The following SEL1L variants were observed in gnomAD, a reference collection of about 807,000 sequenced individuals.
SEL1L encodes the protein SEL1L adaptor subunit of SYVN1 ubiquitin ligase, also known as protein sel-1 homolog 1.
Under a neutral mutation model 109.8 loss-of-function variants are expected in SEL1L, and 52 were observed. The ratio of observed to expected loss-of-function variants is 0.47; its 90% CI spans 0.38 to 0.60. SEL1L has a LOEUF of 0.60. Ranked by LOEUF, SEL1L falls within the 20% of genes least tolerant of loss-of-function variation. SEL1L has a pLI of 0.00. For missense variants in SEL1L, 749 were observed against 962.2 expected (o/e 0.78, Z 2.93); for synonymous variants, 373 against 339.6 (o/e 1.10, Z -1.08).
chr14:81,480,511 G>GC (rs1903319915), intron 19 of SEL1L, among the ~76,000 whole-genome samples: 1 of 152,104 alleles, frequency 6.6e-6, no homozygotes, highest in African/African-American at 2.4e-5. Context: ...ATCACTTGAG[G>GC]CCAGGAGTTC....
chr14:81,477,897 C>T (rs903434683), intron 20 of SEL1L, among the ~76,000 whole-genome samples: 5 of 152,326 alleles, frequency 3.3e-5, no homozygotes, highest in African/African-American at 1.2e-4. Context: ...AGTGACAGCA[C>T]ACCAGCTGGA....
In SEL1L at chr14:81,500,393, C is replaced by CT. The variant is rs1234261717; in HGVS notation, c.778-732_778-731insA. On this transcript the variant is annotated intron_variant, in intron 6 of 20. Coordinates refer to ENST00000336735, the MANE Select transcript of SEL1L (RefSeq NM_005065.6). Reference sequence around the variant, plus strand: ...GGATTACAGGTGCCGCCACCATGCCCAGCTAATTTCCTTTTTGTATTTTTA... The same window carrying CT: ...GGATTACAGGTGCCGCCACCATGCCCTAGCTAATTTCCTTTTTGTATTTTTA... Among the ~76,000 whole-genome samples, 4 of 152,154 alleles carry CT rather than the reference C, an allele frequency of 2.6e-5. No individual in the cohort carries two copies. The East Asian group carries it at 7.8e-4, about 30-fold the overall frequency.
intron 1 of SEL1L, among the ~76,000 whole-genome samples, chr14:81,530,302 G>A (rs111601926): frequency 5.9e-5 from 9 of 152,310 alleles, no homozygotes; most frequent in African/African-American, 2.2e-4. Context: ...GAGACCTGGA[G>A]AGCTAGGTCT....
At chr14:81,510,799 T>C (rs1296141941) in intron 3 of SEL1L, among the ~76,000 whole-genome samples, 2 of 152,038 alleles carry the variant, frequency 1.3e-5, no homozygotes, top group Non-Finnish European at 2.9e-5. Context: ...TAGTCAAAGA[T>C]AGCTGAGAAA....
intron 2 of SEL1L, among the ~76,000 whole-genome samples, chr14:81,527,396 CTGGAAAG>C (rs1885153371): frequency 2.0e-5 from 3 of 150,826 alleles, no homozygotes; most frequent in Non-Finnish European, 4.4e-5. Context: ...TTTTTGAGAA[CTGGAAAG>C]TGGAAACAAA....
chr14:81,497,688 C>T (rs1228442509), intron 10 of SEL1L, among the ~76,000 whole-genome samples: 2 of 151,944 alleles, frequency 1.3e-5, no homozygotes, highest in African/African-American at 4.8e-5. Context: ...TAGGCCCCAT[C>T]CCACACTAAC....
chr14:81,527,779 T>TG, intron 1 of SEL1L, 41 bp from the exon 2 acceptor site: 1 of 1,405,422 alleles, frequency 7.1e-7, no homozygotes, highest in South Asian at 1.2e-5. Flanking sequence ...TCTTTCTTGT[T>TG]GGGAAATTAG....
At chr14:81,492,577 T>C (rs1883587632) in intron 11 of SEL1L, 29 bp from the exon 12 acceptor site, 2 of 1,466,250 alleles carry the variant, frequency 1.4e-6, no homozygotes, top group South Asian at 2.5e-5. Context: ...TTAAAATAAT[T>C]AGTTTTTAAC....
chr14:81,497,800 GTAACTTACAGATA>G (rs1883830745), intron 10 of SEL1L, 79 bp downstream of exon 10: 1 of 1,159,012 alleles, frequency 8.6e-7, no homozygotes, highest in Non-Finnish European at 1.2e-6. Context: ...CAATGAAAAT[GTAACTTACAGATA>G]TAAGTGCTTG....
intron 11 of SEL1L, among the ~76,000 whole-genome samples, chr14:81,493,437 G>A (rs1196473693): frequency 2.0e-5 from 3 of 152,140 alleles, no homozygotes; most frequent in South Asian, 2.1e-4. Flanking sequence ...TTGAACCCAG[G>A]AGGTGGAGGT....
At position 81,476,170 on chromosome 14, in the gene SEL1L, A is replaced by G. The variant is rs1292578077; in HGVS notation, c.*802T>C. 2.0e-5 allele frequency: 3 copies of G among 152,194 alleles called. No homozygotes were observed. The highest frequency in any genetic ancestry group is 7.2e-5 in the African/African-American group (3 of 41,448). 9.4% of individuals were successfully genotyped at this position (152,194 alleles called of 1,614,324 possible). The stretch of plus-strand genomic sequence containing the variant: ...ACTTAGTCCATCCTCTGGCTTCTGG[A>G]TCAAGGCTCTGTATATTCAAAACAA... On this transcript the variant is annotated 3_prime_UTR_variant, in exon 21 of 21. Coordinates refer to ENST00000336735, the MANE Select transcript of SEL1L (RefSeq NM_005065.6).
chr14:81,510,244 C>G (rs1884407253), intron 3 of SEL1L, among the ~76,000 whole-genome samples: 1 of 152,032 alleles, frequency 6.6e-6, no homozygotes, highest in Non-Finnish European at 1.5e-5. Flanking sequence ...GAGGCTCAAG[C>G]CTTGCTGGAG....
intron 5 of SEL1L, among the ~76,000 whole-genome samples, chr14:81,503,525 G>A (rs2140020195): frequency 6.6e-6 from 1 of 152,088 alleles, no homozygotes; most frequent in East Asian, 1.9e-4. Context: ...TTTTTTTAGA[G>A]ACAGGGTTGC....
At chr14:81,498,542 T>C in intron 8 of SEL1L, 48 bp from the exon 9 acceptor site, 1 of 1,392,832 alleles carries the variant, frequency 7.2e-7, no homozygotes, top group Non-Finnish European at 1.0e-6. Context: ...TGTACTTCAG[T>C]GTCATTCTTC....
intron 6 of SEL1L, among the ~76,000 whole-genome samples, chr14:81,501,100 T>C (rs1324625334): frequency 6.6e-6 from 1 of 152,220 alleles, no homozygotes; most frequent in Non-Finnish European, 1.5e-5. Context: ...AGGCTCTCTT[T>C]TCTCACTTCA....
intron 3 of SEL1L, among the ~76,000 whole-genome samples, chr14:81,516,980 T>C (rs1256423930): frequency 1.3e-5 from 2 of 152,120 alleles, no homozygotes; most frequent in Non-Finnish European, 2.9e-5. Context: ...CCCTACCAAA[T>C]CATTAAACCT....
rs547666185 is a variant in SEL1L, at chr14:81,531,825, G to A, written c.70+1850C>T. Reference sequence around the variant, plus strand: ...CCCAAAGTGCTGGGATTACAGGTATGAGCTGGGCCCGCACAGGTGTTTTAT... The same window carrying A: ...CCCAAAGTGCTGGGATTACAGGTATAAGCTGGGCCCGCACAGGTGTTTTAT... On this transcript the variant is annotated intron_variant, in intron 1 of 20. Coordinates refer to ENST00000336735, the MANE Select transcript of SEL1L (RefSeq NM_005065.6). Among the ~76,000 whole-genome samples, 10 of 152,272 alleles carry A rather than the reference G, an allele frequency of 6.6e-5. No individual in the cohort carries two copies. The South Asian group carries it at 2.1e-3, about 32-fold the overall frequency.
rs761899299 is a variant in SEL1L, at chr14:81,484,389, C to T, written c.1882G>A (p.Val628Met). 6.2e-7 allele frequency: 1 copy of T among 1,613,078 alleles called. No individual in the cohort carries two copies. The highest frequency in any genetic ancestry group is 1.3e-5 in the African/African-American group (1 of 74,926). Reference protein sequence around the residue: ...WNRAASQGYTVARIKLGDYHF... With the variant: ...WNRAASQGYTMARIKLGDYHF... ...TAGTCTCCGAGCTTAATTCTAGCCACAGTATAGCCTTAAACAAAAGTTAAA... is the reference window on the plus strand; with the variant it reads ...TAGTCTCCGAGCTTAATTCTAGCCATAGTATAGCCTTAAACAAAAGTTAAA... Residue 628 changes from valine to methionine, a missense_variant, in exon 19 of 21, where the codon GTG becomes ATG. By Grantham distance (21) the Val-to-Met change is conservative. Around this residue, in one of 2 missense-constraint regions of SEL1L, gnomAD observed 383 missense variants for 562.5 expected, o/e 0.68. Transcript: ENST00000336735.
At chr14:81,520,795 A>G (rs1049456022) in intron 3 of SEL1L, among the ~76,000 whole-genome samples, 7 of 152,210 alleles carry the variant, frequency 4.6e-5, no homozygotes, top group African/African-American at 1.4e-4. Flanking sequence ...CCTGGGATGT[A>G]TGTAGGCATG....
Sources: allele counts gnomAD v4.1 joint callset (sites outside exome capture counted in the v4.1 genomes callset), GRCh38; gene constraint gnomAD v4.1.1; regional missense constraint gnomAD v4.1.1; transcripts MANE v1.5; gene names NCBI Gene and HGNC (gene_info 2026-07-23, HGNC 2026-07-21).